Variants in SLC41A1 observed in about 807,000 individuals in gnomAD.
SLC41A1 encodes the protein solute carrier family 41 (magnesium transporter), member 1.
SLC41A1 carries 20 observed loss-of-function variants against 47.3 expected under a neutral mutation model. That is an observed-to-expected ratio of 0.42 (90% CI 0.30 to 0.61). The LOEUF (loss-of-function observed/expected upper bound fraction) is 0.61. SLC41A1 is among the 20% of genes least tolerant of loss of function. The pLI, the probability that SLC41A1 is intolerant of heterozygous loss-of-function variation, is 0.17. For synonymous variants in SLC41A1, 282 were observed against 272.7 expected, an observed-to-expected ratio of 1.03 and a Z score of -0.34; for missense variants, 504 against 674.1, an observed-to-expected ratio of 0.75 and a Z score of 2.79.
chr1:205,811,024 T>C lies in SLC41A1; in HGVS notation c.-583A>G. 1 of 160,336 alleles carries C rather than the reference T, an allele frequency of 6.2e-6. No homozygotes were observed. Among genetic ancestry groups the C allele is most frequent in the South Asian group, 1.8e-4 (1 of 5,554 alleles). 9.9% of individuals were successfully genotyped at this position (160,336 alleles called of 1,614,324 possible). ...CTCTTCCAGAAACTTCCTCCCTTCC[T>C]GGGAAGAGCTAATACCTCTTCAAAT... On this transcript the variant is annotated 5_prime_UTR_variant, in exon 2 of 11. Transcript: ENST00000367137.
chr1:205,810,321 C>G lies in SLC41A1; in HGVS notation c.121G>C (p.Gly41Arg). 1 of 1,614,188 alleles carries G rather than the reference C, an allele frequency of 6.2e-7. No homozygotes were observed. The highest frequency in any genetic ancestry group is 8.5e-7 in the Non-Finnish European group (1 of 1,180,034). The change falls in exon 2 of 11, where the codon GGG (glycine) becomes CGG (arginine). Residue 41 changes from glycine to arginine, a missense_variant. Gly to Arg is a moderately radical substitution (Grantham distance 125). Around this residue, in one of 2 missense-constraint regions of SLC41A1, gnomAD observed 83 missense variants for 72.5 expected, o/e 1.15. Transcript: ENST00000367137. This position sits in a 1 kb window ranked among gnomAD's most constrained non-coding sequence, Gnocchi z 5.5. ...EPLAGTSEFLGPDGAGVEVVI... is the reference protein window; with the variant it reads ...EPLAGTSEFLRPDGAGVEVVI... ...ACCTCTACCCCAGCCCCATCAGGCC[C>G]CAGGAACTCTGAGGTCCCAGCCAAG...
chr1:205,806,896 CGTT>C (rs768294693), intron 2 of SLC41A1, among the ~76,000 whole-genome samples: 9 of 151,736 alleles, frequency 5.9e-5, no homozygotes, highest in Non-Finnish European at 1.0e-4. Flanking sequence ...TTTTGCATCT[CGTT>C]GGTGAAAAAG....
chr1:205,811,906 C>T (rs972984589), intron 1 of SLC41A1, among the ~76,000 whole-genome samples: 40 of 152,294 alleles, frequency 2.6e-4, no homozygotes, highest in African/African-American at 9.4e-4. Context: ...TTATTACCCA[C>T]GCATTTCAGT....
chr1:205,795,225 G>A (rs991170549), intron 9 of SLC41A1, 119 bp downstream of exon 9: 1 of 1,535,166 alleles, frequency 6.5e-7, no homozygotes, highest in Non-Finnish European at 8.9e-7. Flanking sequence ...AGAACAGCTG[G>A]CACAGCCCAG....
At chr1:205,807,993 T>C (rs1247814392) in intron 2 of SLC41A1, among the ~76,000 whole-genome samples, 1 of 150,884 alleles carries the variant, frequency 6.6e-6, no homozygotes, top group Non-Finnish European at 1.5e-5. Flanking sequence ...TCTCGCTCTG[T>C]CACCCAGGCT....
Position 205,796,912 on chromosome 1 carries a change from C to T in SLC41A1, c.1072+12G>A, listed in dbSNP as rs1250993168. 10 of 1,610,540 alleles carry T rather than the reference C, an allele frequency of 6.2e-6. No homozygotes were observed. The highest frequency in any genetic ancestry group is 8.5e-6 in the Non-Finnish European group (10 of 1,178,432). On this transcript the variant is annotated intron_variant, in intron 8 of 10. Transcript: ENST00000367137. ...CAGCCCTGCCCTCTGATAGCTGATG[C>T]CCAGACCTCACCATTAATCACAGGC...
At position 205,796,945 on chromosome 1, in the gene SLC41A1, C is replaced by T. The variant is rs557427531; in HGVS notation, c.1051G>A (p.Val351Ile). 2 of 1,613,184 alleles carry T rather than the reference C, an allele frequency of 1.2e-6. No homozygotes were observed. The highest frequency in any genetic ancestry group is 2.2e-5 in the South Asian group (2 of 90,684). Residue 351 changes from valine (V) to isoleucine (I), a missense_variant, in exon 8 of 11, where the codon GTC becomes ATC. By Grantham distance (29) the Val-to-Ile change is conservative. Coordinates refer to ENST00000367137, the MANE Select transcript of SLC41A1 (RefSeq NM_173854.6). ...TCACCATTAATCACAGGCGTGAAGA[C>T]AGCCATCCCAGCAAAGTTGGGGTCT... Reference protein sequence around the residue: ...VSDPNFAGMAVFTPVINGVGG... With the variant: ...VSDPNFAGMAIFTPVINGVGG...
At chr1:205,803,840 C>T (rs1343735264) in intron 2 of SLC41A1, among the ~76,000 whole-genome samples, 4 of 151,946 alleles carry the variant, frequency 2.6e-5, no homozygotes, top group African/African-American at 4.8e-5. Context: ...AGGCTGGTCT[C>T]GAACTCCTGG....
At position 205,799,790 on chromosome 1, in the gene SLC41A1, C is replaced by T. The variant is rs756582015; in HGVS notation, c.521G>A (p.Arg174Gln). Residue 174 changes from arginine to glutamine, a missense_variant, in exon 4 of 11, where the codon CGG (arginine) becomes CAG (glutamine). Arg to Gln is a conservative substitution (Grantham distance 43). Around this residue, in one of 2 missense-constraint regions of SLC41A1, gnomAD observed 421 missense variants for 601.6 expected, o/e 0.70. Coordinates refer to ENST00000367137, the MANE Select transcript of SLC41A1 (RefSeq NM_173854.6). ...GHMDTPKELW[R>Q]MITGNMALIQ... ...GAGGGCCATGTTCCCAGTGATCATCCGCCAGAGCTCCTTGGGTGTGTCCAT... is the reference window on the plus strand; with the variant it reads ...GAGGGCCATGTTCCCAGTGATCATCTGCCAGAGCTCCTTGGGTGTGTCCAT... The T allele has an allele frequency of 3.5e-5, 57 of 1,613,942 alleles. No individual in the cohort carries two copies. Among genetic ancestry groups the T allele is most frequent in the East Asian group, 4.5e-5 (2 of 44,886 alleles).
intron 1 of SLC41A1, among the ~76,000 whole-genome samples, chr1:205,812,228 T>A (rs1398338988): frequency 6.6e-6 from 1 of 152,212 alleles, no homozygotes; most frequent in Non-Finnish European, 1.5e-5. Flanking sequence ...GGTCCTTAAG[T>A]ATTCCAAACA....
chr1:205,799,375 C>T (rs543344927), intron 4 of SLC41A1, among the ~76,000 whole-genome samples: 6 of 152,334 alleles, frequency 3.9e-5, no homozygotes, highest in Admixed American at 1.3e-4. Context: ...TCAACAGAGC[C>T]GGAGACTTCC....
rs756763135 is a variant in SLC41A1 at position 205,797,984 on chromosome 1, C to A, written c.912G>T (p.Val304=). 2 of 1,614,144 alleles carry A rather than the reference C, an allele frequency of 1.2e-6. No individual in the cohort carries two copies. The highest frequency in any genetic ancestry group is 1.7e-6 in the Non-Finnish European group (2 of 1,180,028). The change falls in exon 7 of 11, where the codon GTG becomes GTT. Residue 304 remains valine, a synonymous_variant. Coordinates refer to ENST00000367137, the MANE Select transcript of SLC41A1 (RefSeq NM_173854.6). ...TTGTGGCTGGACTTCGTCGGGCCAG[C>A]ACCACCCAGACAGGCAGCAGGGCCA... The part of the protein sequence containing the change: ...FFVALLPVWV[V]LARRSPATRE...
Position 205,794,932 on chromosome 1 carries a change from C to G in SLC41A1, c.1294G>C (p.Gly432Arg). The G allele has an allele frequency of 6.2e-7, 1 of 1,613,988 alleles. No homozygotes were observed. Residue 432 changes from glycine to arginine, a missense_variant, in exon 10 of 11, where the codon GGC becomes CGC. By Grantham distance (125) the Gly-to-Arg change is moderately radical (BLOSUM62 -2). Transcript: ENST00000367137. The part of the protein sequence containing the change: ...VFLYTISCMQ[G>R]GHTTLTLIFI... Reference sequence around the variant, plus strand: ...ATGAGTGTGAGGGTGGTGTGCCCGCCCTGCATACAGCTGATGGTGTAGAGG... The same window carrying G: ...ATGAGTGTGAGGGTGGTGTGCCCGCGCTGCATACAGCTGATGGTGTAGAGG...
Position 205,796,912 on chromosome 1 carries a change from C to A in SLC41A1, c.1072+12G>T. The A allele has an allele frequency of 6.2e-7, 1 of 1,610,540 alleles. No individual in the cohort carries two copies. Among genetic ancestry groups the A allele is most frequent in the Non-Finnish European group, 8.5e-7 (1 of 1,178,432 alleles). On this transcript the variant is annotated intron_variant, in intron 8 of 10. Coordinates refer to ENST00000367137, the MANE Select transcript of SLC41A1 (RefSeq NM_173854.6). ...CAGCCCTGCCCTCTGATAGCTGATG[C>A]CCAGACCTCACCATTAATCACAGGC... is the stretch of plus-strand genomic sequence containing the variant.
chr1:205,810,300 C>T lies in SLC41A1; in HGVS notation c.142G>A (p.Glu48Lys). ...TTGGCCCGAGACTCAATCACCACCT[C>T]TACCCCAGCCCCATCAGGCCCCAGG... ...EFLGPDGAGV[E>K]VVIESRANAK... The change falls in exon 2 of 11, where the codon GAG (glutamate) becomes AAG (lysine). Residue 48 changes from glutamate (E) to lysine (K), a missense_variant. Glu to Lys is a moderately conservative substitution (Grantham distance 56). This residue lies in a region of SLC41A1 where 83 missense variants were observed against 72.5 expected (regional missense o/e 1.15). Coordinates refer to ENST00000367137, the MANE Select transcript of SLC41A1 (RefSeq NM_173854.6). The surrounding 1 kb of genome is among the most constrained non-coding windows in gnomAD (Gnocchi z 5.5). 6.2e-7 allele frequency: 1 copy of T among 1,614,192 alleles called. No individual in the cohort carries two copies. The highest frequency in any genetic ancestry group is 1.1e-5 in the South Asian group (1 of 91,076).
intron 2 of SLC41A1, 129 bp from the exon 3 acceptor site, chr1:205,801,189 C>A: frequency 1.4e-6 from 1 of 734,382 alleles, no homozygotes; most frequent in South Asian, 1.6e-5. Flanking sequence ...CGCCAGCCAC[C>A]TTTCCTCCAA....
rs1029844554 is a variant in SLC41A1 at position 205,791,356 on chromosome 1, C to T, written c.*177G>A. On this transcript the variant is annotated 3_prime_UTR_variant, in exon 11 of 11. Transcript: ENST00000367137. The surrounding 1 kb of genome is among the most constrained non-coding windows in gnomAD (Gnocchi z 4.0). ...TCAGGCCATCTGTGTTTCCCAAATT[C>T]TTGCTATACAAACTTGGCTCAATGT... The T allele has an allele frequency of 7.8e-5, 60 of 764,634 alleles. No individual in the cohort carries two copies. The highest frequency in any genetic ancestry group is 1.2e-4 in the Non-Finnish European group (54 of 459,954). 47.4% of individuals were successfully genotyped at this position (764,634 alleles called of 1,614,324 possible).
chr1:205,807,604 C>T (rs1656043116), intron 2 of SLC41A1, among the ~76,000 whole-genome samples: 1 of 151,106 alleles, frequency 6.6e-6, no homozygotes, highest in Non-Finnish European at 1.5e-5. Flanking sequence ...TTCTAATCCA[C>T]CCAGTTCTTC....
intron 5 of SLC41A1, 55 bp from the exon 6 acceptor site, chr1:205,798,870 C>T (rs1655807316): frequency 1.2e-6 from 2 of 1,613,968 alleles, no homozygotes; most frequent in South Asian, 2.2e-5. Context: ...AAAGGAGTCT[C>T]AACAAACAAA....
Sources: gnomAD v4.1 joint callset for allele counts (sites outside exome capture counted in the v4.1 genomes callset) on GRCh38, gnomAD v4.1.1 for gene constraint, gnomAD v4.1.1 regional missense constraint, Gnocchi (gnomAD v3.1) non-coding constraint, MANE v1.5 for transcripts, NCBI Gene and HGNC (gene_info 2026-07-23, HGNC 2026-07-21) for gene names.